The following ACACB variants were observed in gnomAD, a reference collection of about 807,000 sequenced individuals.
ACACB encodes the protein acetyl-CoA carboxylase beta.
A neutral mutation model predicts 278.8 loss-of-function variants in ACACB; 209 were observed. The ratio of observed to expected loss-of-function variants is 0.75; its 90% CI spans 0.67 to 0.84. ACACB has a LOEUF of 0.84. ACACB is among the 40% of genes least tolerant of loss of function. The pLI, the probability that ACACB is intolerant of heterozygous loss-of-function variation, is 0.00. For synonymous variants in ACACB, 1,174 were observed against 1,285.6 expected (o/e 0.91, Z 1.86); for missense variants, 2,850 against 3,269.0 (o/e 0.87, Z 3.13).
Position 109,245,216 on chromosome 12 carries a change from T to A in ACACB, c.5179-410T>A, listed in dbSNP as rs546688254. 3.9e-5 allele frequency among the ~76,000 whole-genome samples: 6 copies of A among 152,010 alleles called. No individual in the cohort carries two copies. The East Asian group carries it at 9.7e-4, about 24-fold the overall frequency. ...AATTTGCGGAAGGATGTGTACAGTG[T>A]GGTACTCTTTATTTAAAGTTTGCAG... On this transcript the variant is annotated intron_variant, in intron 37 of 52. Transcript: ENST00000338432.
chr12:109,233,422 G>GT (rs2046536574), intron 29 of ACACB, among the ~76,000 whole-genome samples: 1 of 152,136 alleles, frequency 6.6e-6, no homozygotes, highest in Non-Finnish European at 1.5e-5. Context: ...GTGAGGTGAG[G>GT]TTTCTAGGAT....
At chr12:109,151,255 T>C (rs1221510756) in intron 2 of ACACB, among the ~76,000 whole-genome samples, 2 of 152,136 alleles carry the variant, frequency 1.3e-5, no homozygotes, top group East Asian at 1.9e-4. Context: ...AGTGCTGGGA[T>C]TACAGGTGTG....
chr12:109,132,318 C>T (rs1165225199), intron 1 of ACACB, among the ~76,000 whole-genome samples: 1 of 152,004 alleles, frequency 6.6e-6, no homozygotes, highest in Non-Finnish European at 1.5e-5. Flanking sequence ...GCGTGCACCA[C>T]CACGCCCAGC....
intron 2 of ACACB, among the ~76,000 whole-genome samples, 182 bp downstream of exon 2, chr12:109,140,240 T>A (rs1225548404): frequency 7.4e-6 from 1 of 135,066 alleles, no homozygotes; most frequent in Admixed American, 7.4e-5. Context: ...CCTTCCTTCC[T>A]TCCTTCCTTC....
At chr12:109,220,738 G>A (rs186502535) in intron 24 of ACACB, among the ~76,000 whole-genome samples, 51 of 152,246 alleles carry the variant, frequency 3.3e-4, no homozygotes, top group African/African-American at 1.2e-3. Flanking sequence ...AGTTTTAGTA[G>A]GAAACAGGGT....
In ACACB at chr12:109,241,251, C is replaced by T. The variant is rs763135205; in HGVS notation, c.4992C>T (p.Tyr1664=). Residue 1664 remains tyrosine, a synonymous_variant, in exon 36 of 53, where the codon TAC becomes TAT. Coordinates refer to ENST00000338432, the MANE Select transcript of ACACB (RefSeq NM_001093.4). ...GCTACTACCTGGACATCAGCCTCTA[C>T]AAAGAAGTGACTGACTCCAGATCTG... ...ESGYYLDISL[Y]KEVTDSRSGN... is the part of the protein sequence containing the mutation. 1.2e-6 allele frequency: 2 copies of T among 1,614,078 alleles called. No homozygotes were observed. The highest frequency in any genetic ancestry group is 2.2e-5 in the East Asian group (1 of 44,898).
chr12:109,248,322 A>G (rs2047003750), intron 40 of ACACB, among the ~76,000 whole-genome samples: 1 of 152,202 alleles, frequency 6.6e-6, no homozygotes, highest in Admixed American at 6.5e-5. Context: ...GGATATATGT[A>G]TATATGAAAG....
Position 109,167,621 on chromosome 12 carries a change from G to GTATATATATATATATATATA in ACACB, c.787-261_787-242dup, listed in dbSNP as rs1216217057. 3.2e-3 allele frequency among the ~76,000 whole-genome samples: 247 copies of GTATATATATATATATATATA among 77,450 alleles called. 6 individuals carry two copies. The highest frequency in any genetic ancestry group is 4.7e-3 in the East Asian group (7 of 1,492). The allele number at this position is 77,450 out of a possible 152,430, so 50.8% of individuals were successfully genotyped here. ...CTCAAAAAAAAAAATATATGTATGT[G>GTATATATATATATATATATA]TATATATATATATATATATATATAT... is the stretch of plus-strand genomic sequence containing the variant. On this transcript the variant is annotated intron_variant, in intron 3 of 52. Coordinates refer to ENST00000338432, the MANE Select transcript of ACACB (RefSeq NM_001093.4).
chr12:109,161,982 T>C (rs1024782652), intron 2 of ACACB, among the ~76,000 whole-genome samples: 10 of 146,656 alleles, frequency 6.8e-5, no homozygotes, highest in East Asian at 3.9e-4. Context: ...GAAGTTCTCT[T>C]TTTTTTTTTT....
intron 1 of ACACB, among the ~76,000 whole-genome samples, chr12:109,120,390 G>C (rs1432378204): frequency 6.6e-6 from 1 of 152,200 alleles, no homozygotes; most frequent in Non-Finnish European, 1.5e-5. Context: ...CATCTTTCAG[G>C]ATTGGTATTC....
chr12:109,149,294 C>T (rs911713175), intron 2 of ACACB, among the ~76,000 whole-genome samples: 2 of 152,082 alleles, frequency 1.3e-5, no homozygotes, highest in Admixed American at 6.6e-5. Flanking sequence ...ACCTTTAAGT[C>T]GTATGAGCTT....
chr12:109,249,678 G>A (rs2047041850), intron 40 of ACACB: 1 of 186,506 alleles, frequency 5.4e-6, no homozygotes, highest in South Asian at 1.3e-4. Flanking sequence ...TTTTAGTAGA[G>A]ATGGGGTTTC....
chr12:109,115,910 C>A (rs887060096), upstream of ACACB, among the ~76,000 whole-genome samples: 2 of 152,210 alleles, frequency 1.3e-5, no homozygotes, highest in Admixed American at 1.3e-4. Context: ...GCACAATGTG[C>A]TCCTATGTGG....
rs1555222830 is a variant in ACACB, at chr12:109,210,150, T to TGTGTATATATGTATATATAC, written c.3249+797_3249+798insGTGTATATATGTATATATAC. ...ATGTATGTGTGTATATATGTATATATACACACGTGTGTATATGTATATATG... is the reference window on the plus strand; with the variant it reads ...ATGTATGTGTGTATATATGTATATATGTGTATATATGTATATATACACACACGTGTGTATATGTATATATG... On this transcript the variant is annotated intron_variant, in intron 21 of 52. Transcript: ENST00000338432. Among the ~76,000 whole-genome samples, 11 of 56,964 alleles carry TGTGTATATATGTATATATAC rather than the reference T, an allele frequency of 1.9e-4. 1 individual carries two copies. The highest frequency in any genetic ancestry group is 3.5e-4 in the Non-Finnish European group (9 of 25,440). 37.4% of individuals were successfully genotyped at this position (56,964 alleles called of 152,430 possible). A position where few individuals can be genotyped will look rare whatever the true frequency, so the allele number is the denominator to read the frequency against.
At chr12:109,190,025 T>C (rs1434433719) in intron 13 of ACACB, among the ~76,000 whole-genome samples, 3 of 152,008 alleles carry the variant, frequency 2.0e-5, no homozygotes, top group Non-Finnish European at 4.4e-5. Context: ...GCAGGAGAAT[T>C]GCTTGAACCT....
chr12:109,203,150 C>T lies in ACACB; in HGVS notation c.2913+1449C>T, dbSNP rs12304717. ...GACTAGCTTATTTCATTTAGCGTAA[C>T]GTCTCCAAGTTTCATCCATCTGATA... On this transcript the variant is annotated intron_variant, in intron 19 of 52. Transcript: ENST00000338432. Among the ~76,000 whole-genome samples the T allele has an allele frequency of 8.2e-3, 1,249 of 152,290 alleles. 27 individuals carry two copies. Among genetic ancestry groups the T allele is most frequent in the African/African-American group, 0.028 (1,148 of 41,556 alleles).
chr12:109,113,285 C>G (rs2042344114), upstream of ACACB: 1 of 152,248 alleles, frequency 6.6e-6, no homozygotes, highest in African/African-American at 2.4e-5. Context: ...CAAGAGCATT[C>G]AACACTGAGG....
At chr12:109,228,513 C>T (rs2046381722) in intron 28 of ACACB, among the ~76,000 whole-genome samples, 1 of 151,316 alleles carries the variant, frequency 6.6e-6, no homozygotes, top group South Asian at 2.1e-4. Context: ...TAAAAATTTG[C>T]CAGGCGTGGT....
At chr12:109,242,626 G>T in intron 37 of ACACB, 34 bp downstream of exon 37, 1 of 1,610,488 alleles carries the variant, frequency 6.2e-7, no homozygotes, top group Non-Finnish European at 8.5e-7. Context: ...GTACCCCCTG[G>T]GTCCTCCCAG....
Sources: allele counts gnomAD v4.1 joint callset (sites outside exome capture counted in the v4.1 genomes callset), GRCh38; gene constraint gnomAD v4.1.1; transcripts MANE v1.5; gene names NCBI Gene and HGNC (gene_info 2026-07-23, HGNC 2026-07-21).